Variants in SLMAP observed in about 807,000 individuals in gnomAD.
SLMAP encodes the protein sarcolemmal membrane-associated protein.
A neutral mutation model predicts 128.8 loss-of-function variants in SLMAP; 44 were observed. That is an observed-to-expected ratio of 0.34 (90% CI 0.27 to 0.44). SLMAP has a LOEUF of 0.44. SLMAP is among the 20% of genes least tolerant of loss of function. The pLI, the probability that SLMAP is intolerant of heterozygous loss-of-function variation, is 1.00. For missense variants in SLMAP, 787 were observed against 985.3 expected, an observed-to-expected ratio of 0.80 and a Z score of 2.69; for synonymous variants, 327 against 348.8, an observed-to-expected ratio of 0.94 and a Z score of 0.70.
chr3:57,801,769 A>G (rs1019260092), intron 2 of SLMAP, among the ~76,000 whole-genome samples: 1 of 151,644 alleles, frequency 6.6e-6, no homozygotes, highest in Admixed American at 6.6e-5. Flanking sequence ...CACATTTTTA[A>G]TGCTCTCTTG....
At chr3:57,926,107 C>T (rs1227459411) in intron 24 of SLMAP, 173 bp downstream of exon 24, 1 of 590,742 alleles carries the variant, frequency 1.7e-6, no homozygotes, top group African/African-American at 1.9e-5. Flanking sequence ...TCAACTAATC[C>T]CATAACTTTT....
At chr3:57,775,427 C>G (rs988932176) in intron 2 of SLMAP, among the ~76,000 whole-genome samples, 1 of 141,756 alleles carries the variant, frequency 7.1e-6, no homozygotes, top group Non-Finnish European at 1.5e-5. Flanking sequence ...AATTCCAACA[C>G]TTTGGAAGGC....
chr3:57,917,151 G>C, intron 22 of SLMAP, 74 bp downstream of exon 22: 1 of 1,599,144 alleles, frequency 6.3e-7, no homozygotes, highest in Non-Finnish European at 8.5e-7. Context: ...ATCCATGCTA[G>C]TTAGAAATAA....
At chr3:57,874,396 T>C (rs995130863) in intron 14 of SLMAP, among the ~76,000 whole-genome samples, 2 of 152,210 alleles carry the variant, frequency 1.3e-5, no homozygotes, top group African/African-American at 4.8e-5. Flanking sequence ...ATCAAAAGAA[T>C]GTCTACTCAG....
chr3:57,760,799 C>G (rs991453681), intron 2 of SLMAP, among the ~76,000 whole-genome samples: 12 of 152,054 alleles, frequency 7.9e-5, no homozygotes, highest in African/African-American at 2.7e-4. Flanking sequence ...GCGATCTTGG[C>G]TCACCACATC....
rs1449889308 is a variant in SLMAP, at chr3:57,921,621, G to A, written c.2311-1268G>A. Among the ~76,000 whole-genome samples, 4 of 152,224 alleles carry A rather than the reference G, an allele frequency of 2.6e-5. No homozygotes were observed. The East Asian group carries it at 5.8e-4, about 22-fold the overall frequency. On this transcript the variant is annotated intron_variant, in intron 22 of 24. Coordinates refer to ENST00000671191, the MANE Select transcript of SLMAP (RefSeq NM_001377540.1). ...AGCCTGGGTGACAGAGCTAGACTCC[G>A]TCTCAAAAAATAAACAAATAAAATA...
At chr3:57,887,072 T>C (rs1346178064) in intron 14 of SLMAP, among the ~76,000 whole-genome samples, 1 of 151,744 alleles carries the variant, frequency 6.6e-6, no homozygotes, top group Non-Finnish European at 1.5e-5. Flanking sequence ...TTTCACCTCA[T>C]TTAAGGAAAA....
At chr3:57,794,166 C>G (rs766545306) in intron 2 of SLMAP, among the ~76,000 whole-genome samples, 53 of 152,024 alleles carry the variant, frequency 3.5e-4, no homozygotes, top group Non-Finnish European at 2.6e-4. Context: ...TATTTTCTCC[C>G]TATTCTGAAA....
intron 2 of SLMAP, among the ~76,000 whole-genome samples, chr3:57,766,118 C>T (rs1314652835): frequency 6.7e-6 from 1 of 148,380 alleles, no homozygotes; most frequent in East Asian, 2.0e-4. Context: ...CCTGTCTCAG[C>T]CTCCTGAGTA....
chr3:57,855,792 C>T (rs1465968029), intron 6 of SLMAP, among the ~76,000 whole-genome samples: 1 of 151,368 alleles, frequency 6.6e-6, no homozygotes, highest in Non-Finnish European at 1.5e-5. Flanking sequence ...ACCTGTGATC[C>T]CAGCACTTTG....
chr3:57,844,254 C>T (rs1423560446), intron 4 of SLMAP, among the ~76,000 whole-genome samples: 13 of 151,964 alleles, frequency 8.6e-5, no homozygotes, highest in Middle Eastern at 3.4e-3. Flanking sequence ...ATTAGCCGGG[C>T]GTGGTGGTGA....
At chr3:57,793,419 G>A (rs980122753) in intron 2 of SLMAP, among the ~76,000 whole-genome samples, 3 of 152,140 alleles carry the variant, frequency 2.0e-5, no homozygotes. Context: ...AATACTTCTT[G>A]TGTGCTGAGC....
chr3:57,777,127 A>G (rs1185617635), intron 2 of SLMAP, among the ~76,000 whole-genome samples: 2 of 151,304 alleles, frequency 1.3e-5, no homozygotes, highest in East Asian at 3.9e-4. Flanking sequence ...GAGGGATAGC[A>G]TTAGGATATA....
At chr3:57,788,687 A>G (rs1313969988) in intron 2 of SLMAP, among the ~76,000 whole-genome samples, 1 of 152,140 alleles carries the variant, frequency 6.6e-6, no homozygotes, top group Admixed American at 6.5e-5. Context: ...AGCAGGGGAG[A>G]GTTTTTGAGA....
rs745761433 is a variant in SLMAP at position 57,925,805 on chromosome 3, C to T, written c.2446-40C>T. 2.8e-6 allele frequency: 4 copies of T among 1,412,306 alleles called. No homozygotes were observed. The South Asian group carries it at 3.7e-5, about 13-fold the overall frequency. 87.5% of individuals were successfully genotyped at this position (1,412,306 alleles called of 1,614,324 possible). ...CTGAATCCTCTTATCTGATTACTTT[C>T]ATAGCATAAAATGATTTTAATATGC... On this transcript the variant is annotated intron_variant, in intron 23 of 24. Coordinates refer to ENST00000671191, the MANE Select transcript of SLMAP (RefSeq NM_001377540.1).
rs111390453 is a variant in SLMAP, at chr3:57,905,471, G to A, written c.1502-2413G>A. Among the ~76,000 whole-genome samples the A allele has an allele frequency of 2.9e-3, 443 of 152,044 alleles. 3 individuals are homozygous for A. The highest frequency in any genetic ancestry group is 0.01 in the African/African-American group (421 of 41,462). ...TAATTTTCGTATTTTTAGTAGAGAC[G>A]GGTTTTACCATGTTGCCTAGGTGGG... On this transcript the variant is annotated intron_variant, in intron 17 of 24. Coordinates refer to ENST00000671191, the MANE Select transcript of SLMAP (RefSeq NM_001377540.1).
chr3:57,928,136 A>C lies in SLMAP; in HGVS notation c.*847A>C, dbSNP rs564731177. The C allele has an allele frequency of 6.6e-6, 1 of 152,598 alleles. No homozygotes were observed. The highest frequency in any genetic ancestry group is 1.5e-5 in the Non-Finnish European group (1 of 68,028). 9.5% of individuals were successfully genotyped at this position (152,598 alleles called of 1,614,324 possible). A position where few individuals can be genotyped will look rare whatever the true frequency, so the allele number is the denominator to read the frequency against. ...CTGGGAGCAAAAACATAGTAATTAC[A>C]CAATTTCAGTGCAGTCAACCAAAAT... On this transcript the variant is annotated 3_prime_UTR_variant, in exon 25 of 25. Transcript: ENST00000671191.
chr3:57,820,860 C>A (rs1217154033), intron 2 of SLMAP, among the ~76,000 whole-genome samples: 1 of 152,128 alleles, frequency 6.6e-6, no homozygotes, highest in Non-Finnish European at 1.5e-5. Flanking sequence ...CACTCCTGCC[C>A]CTACTGCCTG....
chr3:57,815,515 G>C (rs1438963980), intron 2 of SLMAP, among the ~76,000 whole-genome samples: 2 of 151,842 alleles, frequency 1.3e-5, no homozygotes, highest in African/African-American at 4.8e-5. Context: ...AATAAATATG[G>C]TTATTTATGA....
Sources: allele counts gnomAD v4.1 joint callset (sites outside exome capture counted in the v4.1 genomes callset), GRCh38; gene constraint gnomAD v4.1.1; transcripts MANE v1.5; gene names NCBI Gene and HGNC (gene_info 2026-07-23, HGNC 2026-07-21).